Variants in APLP2 observed in about 807,000 individuals in gnomAD.
APLP2 encodes the protein amyloid beta precursor like protein 2, also known as CDEI box-binding protein.
APLP2 carries 53 observed loss-of-function variants against 89.9 expected under a neutral mutation model. The ratio of observed to expected loss-of-function variants is 0.59; its 90% CI spans 0.47 to 0.74. The LOEUF is 0.74. APLP2 is among the 30% of genes least tolerant of loss of function. The pLI is 0.00. For missense variants in APLP2, 973 were observed against 975.9 expected (o/e 1.00, Z 0.04); for synonymous variants, 372 against 348.6 (o/e 1.07, Z -0.75).
chr11:130,118,231 T>G lies in APLP2; in HGVS notation c.404-2475T>G, dbSNP rs1325942777. On this transcript the variant is annotated intron_variant, in intron 3 of 16. Transcript: ENST00000338167. Reference sequence around the variant, plus strand: ...ACTGTTGCTTAAATATACATTGCTTTATGAGTATGGTTGAATAGTTCGTAT... The same window carrying G: ...ACTGTTGCTTAAATATACATTGCTTGATGAGTATGGTTGAATAGTTCGTAT... 2.0e-5 allele frequency among the ~76,000 whole-genome samples: 3 copies of G among 152,256 alleles called. No homozygotes were observed. The East Asian group carries it at 5.8e-4, about 29-fold the overall frequency.
chr11:130,077,612 TAAAAA>T (rs573298331), intron 1 of APLP2, among the ~76,000 whole-genome samples: 1 of 144,980 alleles, frequency 6.9e-6, no homozygotes, highest in African/African-American at 2.5e-5. Context: ...GTTTTAGCCT[TAAAAA>T]AAAAAACAAA....
Position 130,121,626 on chromosome 11 carries a change from CAG to C in APLP2, c.530_531del (p.Gln177ArgfsTer6). 6.2e-7 allele frequency: 1 copy of C among 1,612,516 alleles called. No individual in the cohort carries two copies. Among genetic ancestry groups the C allele is most frequent in the Non-Finnish European group, 8.5e-7 (1 of 1,179,016 alleles). ...HTVVKEACLT[Q>X]GMTLYSYGML... The stretch of plus-strand genomic sequence containing the variant: ...GGGTTTCTTTTAGGCATGTCTGACT[CAG>C]GGAATGACCTTATATAGCTACGGCA... On this transcript the variant is annotated frameshift_variant, in exon 5 of 17. Transcript: ENST00000338167. LOFTEE classifies it high-confidence loss of function.
At chr11:130,132,621 A>AG (rs60196721) in intron 11 of APLP2, among the ~76,000 whole-genome samples, 8,826 of 145,192 alleles carry the variant, frequency 0.061, 334 homozygotes, top group East Asian at 0.14. Context: ...TTTTTTTTTA[A>AG]ATAATGAATA....
At chr11:130,081,635 A>G (rs892660611) in intron 1 of APLP2, among the ~76,000 whole-genome samples, 14 of 152,208 alleles carry the variant, frequency 9.2e-5, no homozygotes, top group African/African-American at 3.4e-4. Flanking sequence ...TTTCCCCCCT[A>G]AAACACTGGA....
Position 130,121,781 on chromosome 11 carries a change from T to G in APLP2, c.684T>G (p.Asp228Glu), listed in dbSNP as rs200945950. 84 of 1,573,580 alleles carry G rather than the reference T, an allele frequency of 5.3e-5. 1 individual carries two copies. The highest frequency in any genetic ancestry group is 2.2e-4 in the South Asian group (20 of 89,856). ...EEDEEEEEEE[D>E]EEEDYDVYKS... ...ATGAAGAGGAAGAGGAAGAGGAAGA[T>G]GAAGAGGAAGACTATGATGTTTATA... Residue 228 changes from aspartate to glutamate, a missense_variant, in exon 5 of 17, where the codon GAT (aspartate) becomes GAG (glutamate). Physicochemically the swap from Asp to Glu is conservative, Grantham distance 45 (BLOSUM62 2). Coordinates refer to ENST00000338167, the MANE Select transcript of APLP2 (RefSeq NM_001142276.2).
At chr11:130,118,007 G>A (rs568154810) in intron 3 of APLP2, among the ~76,000 whole-genome samples, 3 of 151,404 alleles carry the variant, frequency 2.0e-5, no homozygotes, top group East Asian at 2.0e-4. Flanking sequence ...AACCCGGGAG[G>A]CAGAGTTTGT....
At chr11:130,070,686 G>A in intron 1 of APLP2, 1 of 1,478,426 alleles carries the variant, frequency 6.8e-7, no homozygotes, top group South Asian at 1.3e-5. Context: ...CCGGGTCGCG[G>A]ACGCGCATTT....
Position 130,122,441 on chromosome 11 carries a change from A to G in APLP2, c.850A>G (p.Asn284Asp). ...YYDTFKGDDYNEENPTEPGSD... is the reference protein window; with the variant it reads ...YYDTFKGDDYDEENPTEPGSD... ...TGACACCTTCAAAGGAGATGACTAC[A>G]ATGAGGAGAATCCTACTGAACCCGG... Residue 284 changes from asparagine (N) to aspartate (D), a missense_variant, in exon 6 of 17, where the codon AAT becomes GAT. Transcript: ENST00000338167. 6.2e-7 allele frequency: 1 copy of G among 1,614,160 alleles called. No individual in the cohort carries two copies. The highest frequency in any genetic ancestry group is 8.5e-7 in the Non-Finnish European group (1 of 1,180,008).
At chr11:130,070,701 A>G in intron 1 of APLP2, 1 of 1,477,458 alleles carries the variant, frequency 6.8e-7, no homozygotes, top group Non-Finnish European at 8.9e-7. Context: ...GCATTTTTTA[A>G]GTGGCGCTGT....
At chr11:130,099,891 C>T (rs1378750375) in intron 1 of APLP2, among the ~76,000 whole-genome samples, 2 of 152,274 alleles carry the variant, frequency 1.3e-5, no homozygotes, top group East Asian at 1.9e-4. Context: ...GCTTGCTCTG[C>T]GGCAGGCATT....
intron 6 of APLP2, among the ~76,000 whole-genome samples, chr11:130,122,849 T>G (rs530292582): frequency 6.6e-6 from 1 of 152,332 alleles, no homozygotes; most frequent in African/African-American, 2.4e-5. Context: ...ACCACTCAAG[T>G]TCTGGCCTCC....
rs769812246 is a variant in APLP2, at chr11:130,122,348, G to A, written c.757G>A (p.Ala253Thr). 1 of 1,614,130 alleles carries A rather than the reference G, an allele frequency of 6.2e-7. No homozygotes were observed. Among genetic ancestry groups the A allele is most frequent in the Non-Finnish European group, 8.5e-7 (1 of 1,179,998 alleles). Residue 253 changes from alanine to threonine, a missense_variant, in exon 6 of 17, where the codon GCT (alanine) becomes ACT (threonine). Transcript: ENST00000338167. The part of the protein sequence containing the change: ...EADLEDFTEA[A>T]VDEDDEDEEE... ...AGATCTGGAAGACTTCACAGAAGCA[G>A]CTGTGGATGAGGATGATGAGGATGA...
At chr11:130,126,966 C>G (rs1411403796) in intron 8 of APLP2, 136 bp downstream of exon 8, 3 of 1,167,336 alleles carry the variant, frequency 2.6e-6, no homozygotes, top group Admixed American at 4.6e-5. Flanking sequence ...GAGAGAGTTA[C>G]CAGTGGAGCT....
At chr11:130,073,316 A>C (rs1941476388) in intron 1 of APLP2, among the ~76,000 whole-genome samples, 1 of 152,234 alleles carries the variant, frequency 6.6e-6, no homozygotes, top group South Asian at 2.1e-4. Context: ...TAGAAAATTT[A>C]ATACTATGTA....
Position 130,144,106 on chromosome 11 carries a change from C to T in APLP2, c.*658C>T, listed in dbSNP as rs1397851250. 1.3e-5 allele frequency: 2 copies of T among 152,606 alleles called. No homozygotes were observed. The highest frequency in any genetic ancestry group is 2.1e-4 in the South Asian group (1 of 4,836). The allele number at this position is 152,606 out of a possible 1,614,324, so 9.5% of individuals were successfully genotyped here. ...GGACGTTAAAGGCATTTTATTCCAG[C>T]GTCTTCTAGAGAGCTTAGTGTATAC... On this transcript the variant is annotated 3_prime_UTR_variant, in exon 17 of 17. Transcript: ENST00000338167.
At chr11:130,087,709 A>C (rs571320116) in intron 1 of APLP2, among the ~76,000 whole-genome samples, 1 of 152,268 alleles carries the variant, frequency 6.6e-6, no homozygotes, top group South Asian at 2.1e-4. Flanking sequence ...GTTGGACTCC[A>C]CCCTGCCCCT....
chr11:130,133,213 C>T (rs1207562501), intron 11 of APLP2, among the ~76,000 whole-genome samples: 4 of 151,766 alleles, frequency 2.6e-5, no homozygotes, highest in Non-Finnish European at 4.4e-5. Flanking sequence ...GCCTAAACCT[C>T]CTGGGCTCCA....
In APLP2 at chr11:130,123,898, G is replaced by C; in HGVS notation, c.1090+119G>C. Reference sequence around the variant, plus strand: ...CCTGCCCACTCGGGTGTTTGCTGTCGGTCGTCTTCCCCTCATCTTTGTGCT... The same window carrying C: ...CCTGCCCACTCGGGTGTTTGCTGTCCGTCGTCTTCCCCTCATCTTTGTGCT... On this transcript the variant is annotated intron_variant, in intron 7 of 16. Coordinates refer to ENST00000338167, the MANE Select transcript of APLP2 (RefSeq NM_001142276.2). This position sits in a 1 kb window ranked among gnomAD's most constrained non-coding sequence, Gnocchi z 4.0. 2.6e-6 allele frequency: 3 copies of C among 1,132,438 alleles called. No homozygotes were observed. Among genetic ancestry groups the C allele is most frequent in the Non-Finnish European group, 3.8e-6 (3 of 785,920 alleles). 70.1% of individuals were successfully genotyped at this position (1,132,438 alleles called of 1,614,324 possible). A position where few individuals can be genotyped will look rare whatever the true frequency, so the allele number is the denominator to read the frequency against.
chr11:130,128,156 G>A (rs1217441573), intron 9 of APLP2, among the ~76,000 whole-genome samples: 1 of 152,162 alleles, frequency 6.6e-6, no homozygotes, highest in Non-Finnish European at 1.5e-5. Flanking sequence ...TTTTTCAGCA[G>A]TACTGAATTT....
Sources: allele counts gnomAD v4.1 joint callset (sites outside exome capture counted in the v4.1 genomes callset), GRCh38; gene constraint gnomAD v4.1.1; non-coding constraint Gnocchi (gnomAD v3.1); transcripts MANE v1.5; gene names NCBI Gene and HGNC (gene_info 2026-07-23, HGNC 2026-07-21).